The following DIP2B variants were observed in gnomAD, a reference collection of about 807,000 sequenced individuals.
The protein encoded by DIP2B is disco-interacting protein 2 homolog B.
DIP2B carries 76 observed loss-of-function variants against 198.0 expected under a neutral mutation model. That is an observed-to-expected ratio of 0.38 (90% CI 0.32 to 0.46). DIP2B has a LOEUF of 0.46. DIP2B is among the 20% of genes least tolerant of loss of function. The probability of loss-of-function intolerance (pLI) is 0.99; values close to 1 mark genes in which losing one functional copy is unlikely to be tolerated. For synonymous variants in DIP2B, 701 were observed against 739.1 expected (o/e 0.95, Z 0.84); for missense variants, 1,559 against 1,978.4 (o/e 0.79, Z 4.02).
intron 23 of DIP2B, among the ~76,000 whole-genome samples, chr12:50,716,608 C>T (rs947427385): frequency 2.1e-4 from 32 of 152,284 alleles, no homozygotes; most frequent in African/African-American, 7.7e-4. Flanking sequence ...CCCAGCTTCC[C>T]CAAATATTTA....
chr12:50,527,138 T>C (rs535379658), intron 1 of DIP2B, among the ~76,000 whole-genome samples: 6 of 152,350 alleles, frequency 3.9e-5, no homozygotes. Context: ...CATTCCATCT[T>C]TGGCAAAATG....
intron 1 of DIP2B, among the ~76,000 whole-genome samples, chr12:50,573,359 G>A (rs981533562): frequency 1.3e-5 from 2 of 152,184 alleles, no homozygotes; most frequent in Non-Finnish European, 2.9e-5. Flanking sequence ...GTTTAGTAGC[G>A]CATGCTGCTC....
chr12:50,736,206 G>A (rs1940136201), intron 34 of DIP2B, among the ~76,000 whole-genome samples: 1 of 152,236 alleles, frequency 6.6e-6, no homozygotes, highest in Non-Finnish European at 1.5e-5. Flanking sequence ...TCTGCGAGCA[G>A]AGGGGGATTT....
At chr12:50,557,285 T>C (rs184352150) in intron 1 of DIP2B, among the ~76,000 whole-genome samples, 1 of 152,186 alleles carries the variant, frequency 6.6e-6, no homozygotes, top group African/African-American at 2.4e-5. Context: ...GATTTTTAAT[T>C]TGTGTGCCCC....
At chr12:50,645,073 C>A (rs943990654) in intron 3 of DIP2B, among the ~76,000 whole-genome samples, 1 of 152,078 alleles carries the variant, frequency 6.6e-6, no homozygotes, top group Non-Finnish European at 1.5e-5. Context: ...ACCATAGATT[C>A]AATTAAATAT....
chr12:50,638,403 T>G (rs1938195694), intron 2 of DIP2B, among the ~76,000 whole-genome samples: 1 of 152,246 alleles, frequency 6.6e-6, no homozygotes, highest in South Asian at 2.1e-4. Context: ...TAAATAGTTT[T>G]TACATACAGT....
intron 5 of DIP2B, among the ~76,000 whole-genome samples, chr12:50,673,436 T>TA (rs1938889616): frequency 6.6e-6 from 1 of 152,196 alleles, no homozygotes; most frequent in Admixed American, 6.5e-5. Flanking sequence ...TTGTTGTCGT[T>TA]ACGTGTCCCT....
intron 19 of DIP2B, among the ~76,000 whole-genome samples, 159 bp from the exon 20 acceptor site, chr12:50,703,978 CAAT>C (rs1484965582): frequency 1.3e-5 from 2 of 150,736 alleles, no homozygotes; most frequent in African/African-American, 4.9e-5. Context: ...GAGAGGTAAA[CAAT>C]AAATTGTAAT....
At chr12:50,609,098 A>C (rs1049766116) in intron 1 of DIP2B, among the ~76,000 whole-genome samples, 47 of 152,146 alleles carry the variant, frequency 3.1e-4, no homozygotes, top group Non-Finnish European at 6.0e-4. Flanking sequence ...GTGCCATTGC[A>C]CTCTAGCCTG....
At chr12:50,720,317 A>G (rs924032466) in intron 25 of DIP2B, among the ~76,000 whole-genome samples, 1 of 152,144 alleles carries the variant, frequency 6.6e-6, no homozygotes, top group African/African-American at 2.4e-5. Flanking sequence ...GTCTGTGACC[A>G]TGTGGATAGT....
At chr12:50,702,077 C>T (rs1447934070) in intron 19 of DIP2B, among the ~76,000 whole-genome samples, 6 of 151,950 alleles carry the variant, frequency 3.9e-5, no homozygotes, top group South Asian at 2.1e-4. Flanking sequence ...CAGCTGGGCA[C>T]GATGGCTCAC....
Position 50,686,574 on chromosome 12 carries a change from T to C in DIP2B, c.1443T>C (p.Gly481=), listed in dbSNP as rs1939134419. 3 of 1,613,860 alleles carry C rather than the reference T, an allele frequency of 1.9e-6. No homozygotes were observed. Among genetic ancestry groups the C allele is most frequent in the Non-Finnish European group, 2.5e-6 (3 of 1,179,978 alleles). Residue 481 remains glycine (G), a splice_region_variant and synonymous_variant, in exon 12 of 38, where the codon GGT becomes GGC. Transcript: ENST00000301180. ...TQNGEIVQFK[G]WPRLKWVVTD... ...ATTTTCACTTTGGGTTTGATTTAGG[T>C]TGGCCCCGGCTCAAATGGGTTGTAA...
At chr12:50,510,947 CTTTT>C (rs56793612) in intron 1 of DIP2B, among the ~76,000 whole-genome samples, 4 of 131,110 alleles carry the variant, frequency 3.1e-5, no homozygotes, top group Non-Finnish European at 6.3e-5. Context: ...GCCTGGCTTT[CTTTT>C]TTTTTTTTTT....
Position 50,729,733 on chromosome 12 carries a change from T to C in DIP2B, c.3641+1055T>C, listed in dbSNP as rs934593867. On this transcript the variant is annotated intron_variant, in intron 30 of 37. Transcript: ENST00000301180. ...TCTGTCCTTTTTTCTTTTTTTTCTTTTTCTTTTTTTTTTTTAATCAGTGTC... is the reference window on the plus strand; with the variant it reads ...TCTGTCCTTTTTTCTTTTTTTTCTTCTTCTTTTTTTTTTTTAATCAGTGTC... Among the ~76,000 whole-genome samples the C allele has an allele frequency of 7.9e-5, 11 of 138,550 alleles. No homozygotes were observed. The Admixed American group carries it at 8.3e-4, about 10-fold the overall frequency. 90.9% of individuals were successfully genotyped at this position (138,550 alleles called of 152,430 possible).
chr12:50,667,505 C>T (rs1353023333), intron 4 of DIP2B, among the ~76,000 whole-genome samples: 1 of 151,900 alleles, frequency 6.6e-6, no homozygotes, highest in African/African-American at 2.4e-5. Flanking sequence ...ATTTAAGGGA[C>T]CTTGTTTTGA....
At chr12:50,608,433 C>G (rs1346495930) in intron 1 of DIP2B, among the ~76,000 whole-genome samples, 8 of 151,810 alleles carry the variant, frequency 5.3e-5, no homozygotes, top group African/African-American at 1.9e-4. Context: ...AGCAGCCTGG[C>G]CAACATGGAG....
At chr12:50,624,423 C>G (rs1343928584) in intron 1 of DIP2B, among the ~76,000 whole-genome samples, 1 of 152,150 alleles carries the variant, frequency 6.6e-6, no homozygotes, top group East Asian at 1.9e-4. Flanking sequence ...ACCATCACCT[C>G]CCGGGTTCAA....
At chr12:50,539,961 T>C (rs1958305185) in intron 1 of DIP2B, among the ~76,000 whole-genome samples, 1 of 152,096 alleles carries the variant, frequency 6.6e-6, no homozygotes, top group African/African-American at 2.4e-5. Context: ...TGTAGTTCTT[T>C]ATTCCCCCAG....
In DIP2B at chr12:50,656,854, G is replaced by C. The variant is rs1375737150; in HGVS notation, c.302-3340G>C. On this transcript the variant is annotated intron_variant, in intron 3 of 37. Transcript: ENST00000301180. ...CCCAAAGTGCTGGAATTACAGGCAT[G>C]AGTCACCATGCTGGCCAGGAAAACT... The C allele has an allele frequency of 3.9e-5, 6 of 152,242 alleles. No homozygotes were observed. In the South Asian group the frequency reaches 1.2e-3, roughly 32 times the overall value. 9.4% of individuals were successfully genotyped at this position (152,242 alleles called of 1,614,324 possible).
Sources: allele counts gnomAD v4.1 joint callset (sites outside exome capture counted in the v4.1 genomes callset), GRCh38; gene constraint gnomAD v4.1.1; transcripts MANE v1.5; gene names NCBI Gene and HGNC (gene_info 2026-07-23, HGNC 2026-07-21).